ZDHHC20: variants seen among roughly 807,000 people sequenced by gnomAD.
ZDHHC20 encodes palmitoyltransferase ZDHHC20.
A neutral mutation model predicts 57.8 loss-of-function variants in ZDHHC20; 43 were observed. The observed-to-expected ratio is 0.74, with a 90% CI of 0.58 to 0.96. The LOEUF is 0.96. Among genes scored for constraint, ZDHHC20 ranks in the 40% least tolerant of loss-of-function variants. ZDHHC20 has a pLI of 0.00. For synonymous variants in ZDHHC20, 157 were observed against 153.0 expected, an observed-to-expected ratio of 1.03 and a Z score of -0.19; for missense variants, 391 against 441.1, an observed-to-expected ratio of 0.89 and a Z score of 1.02.
At chr13:21,431,916 C>T (rs1313027749) in intron 1 of ZDHHC20, among the ~76,000 whole-genome samples, 5 of 152,162 alleles carry the variant, frequency 3.3e-5, no homozygotes, top group Admixed American at 3.3e-4. Flanking sequence ...ATATTTTTAA[C>T]AGTGTCTTTT....
chr13:21,402,802 A>T lies in ZDHHC20; in HGVS notation c.435T>A (p.Cys145Ter). The change falls in exon 5 of 13, where the codon TGT becomes TGA. Residue 145 changes from cysteine to a stop codon, truncating the protein, a stop_gained. Transcript: ENST00000400590. LOFTEE classifies it high-confidence loss of function. ...TATGTGTGAGTAACACTTACGAGTC[A>T]CAGGCTGAGCAGTGATGCGCCCGAT... Reference protein sequence around the residue: ...KPDRAHHCSACDSCILKMDHH... With the variant: ...KPDRAHHCSA The T allele has an allele frequency of 6.3e-7, 1 of 1,597,106 alleles. No homozygotes were observed. The highest frequency in any genetic ancestry group is 1.1e-5 in the South Asian group (1 of 87,642).
chr13:21,437,210 G>T (rs1298351074), intron 1 of ZDHHC20, among the ~76,000 whole-genome samples: 1 of 152,198 alleles, frequency 6.6e-6, no homozygotes, highest in African/African-American at 2.4e-5. Context: ...AGCAGAAGTT[G>T]ATTTATGAGG....
chr13:21,423,589 G>A (rs1047823237), intron 2 of ZDHHC20, among the ~76,000 whole-genome samples: 2 of 151,774 alleles, frequency 1.3e-5, no homozygotes, highest in Admixed American at 6.6e-5. Context: ...TGGGAGGATC[G>A]CCTAAACCTG....
At chr13:21,381,369 A>G (rs761723346) in intron 11 of ZDHHC20, 65 bp downstream of exon 11, 26 of 1,204,858 alleles carry the variant, frequency 2.2e-5, no homozygotes, top group Non-Finnish European at 3.0e-5. Context: ...ATTTTTCCAC[A>G]TGTATTATAT....
intron 8 of ZDHHC20, among the ~76,000 whole-genome samples, chr13:21,391,364 A>T (rs1374412788): frequency 6.6e-6 from 1 of 152,218 alleles, no homozygotes; most frequent in Non-Finnish European, 1.5e-5. Flanking sequence ...TATATAACAC[A>T]TTACTGAAAA....
chr13:21,416,102 G>A (rs975591032), intron 3 of ZDHHC20, among the ~76,000 whole-genome samples: 2 of 151,738 alleles, frequency 1.3e-5, no homozygotes, highest in African/African-American at 4.8e-5. Context: ...CTACTCGGGA[G>A]GCTGAGGCAG....
intron 9 of ZDHHC20, among the ~76,000 whole-genome samples, chr13:21,383,695 G>T (rs1566063689): frequency 6.6e-6 from 1 of 152,112 alleles, no homozygotes; most frequent in Non-Finnish European, 1.5e-5. Flanking sequence ...AATTCATGAT[G>T]TAAGTTCCAC....
rs376263181 is a variant in ZDHHC20 at position 21,440,068 on chromosome 13, GAAAAAAAAA to G, written c.119-14399_119-14391del. ...GGCGACAGAGTAAGACTGTTTCTCA[GAAAAAAAAA>G]AAAAAAAAAAAAAAAAAAAAAGACA... On this transcript the variant is annotated intron_variant, in intron 1 of 12. Transcript: ENST00000400590. Among the ~76,000 whole-genome samples the G allele has an allele frequency of 2.4e-3, 217 of 89,782 alleles. 3 individuals carry two copies. Among genetic ancestry groups the G allele is most frequent in the South Asian group, 9.1e-3 (20 of 2,188 alleles). 58.9% of individuals were successfully genotyped at this position (89,782 alleles called of 152,430 possible).
chr13:21,416,980 C>T (rs952923574), intron 3 of ZDHHC20, among the ~76,000 whole-genome samples: 2 of 152,208 alleles, frequency 1.3e-5, no homozygotes, highest in Admixed American at 6.5e-5. Flanking sequence ...AAATACCTAT[C>T]AGCTATTCAC....
chr13:21,440,040 C>T (rs1162452022), intron 1 of ZDHHC20, among the ~76,000 whole-genome samples: 1 of 136,718 alleles, frequency 7.3e-6, no homozygotes, highest in Non-Finnish European at 1.5e-5. Context: ...GCACTCCAGC[C>T]TGGGCGACAG....
intron 4 of ZDHHC20, among the ~76,000 whole-genome samples, chr13:21,413,059 C>T (rs373738117): frequency 1.8e-4 from 27 of 148,224 alleles, no homozygotes; most frequent in African/African-American, 5.7e-4. Flanking sequence ...TGTATTTAAA[C>T]GACCAGCCAC....
chr13:21,395,688 A>C lies in ZDHHC20; in HGVS notation c.595-3834T>G, dbSNP rs145728122. ...AGCTAATTTTGTATTTTTAGTAGAG[A>C]TGGGGTTTCACCATTGTTGGCCAGA... On this transcript the variant is annotated intron_variant, in intron 7 of 12. Transcript: ENST00000400590. 5.4e-3 allele frequency among the ~76,000 whole-genome samples: 817 copies of C among 150,088 alleles called. 12 individuals carry two copies. Among genetic ancestry groups the C allele is most frequent in the African/African-American group, 0.019 (781 of 40,838 alleles).
chr13:21,376,889 G>A, intron 12 of ZDHHC20: 1 of 279,032 alleles, frequency 3.6e-6, no homozygotes, highest in Non-Finnish European at 6.7e-6. Flanking sequence ...GAATCTTACA[G>A]TACTCCCAGA....
chr13:21,401,834 A>C, intron 5 of ZDHHC20, 149 bp from the exon 6 acceptor site: 1 of 666,394 alleles, frequency 1.5e-6, no homozygotes, highest in Non-Finnish European at 2.4e-6. Context: ...ATAATTTCTG[A>C]TGCTTCCACA....
intron 2 of ZDHHC20, among the ~76,000 whole-genome samples, chr13:21,422,483 G>C (rs1220229313): frequency 6.6e-6 from 1 of 152,080 alleles, no homozygotes; most frequent in Admixed American, 6.5e-5. Flanking sequence ...TTGGGTTCAT[G>C]CCAGATCTCA....
At chr13:21,385,408 G>A (rs1009846814) in intron 9 of ZDHHC20, among the ~76,000 whole-genome samples, 1 of 152,106 alleles carries the variant, frequency 6.6e-6, no homozygotes, top group African/African-American at 2.4e-5. Flanking sequence ...CAGCCTGGGC[G>A]ACAGAGCAAG....
At chr13:21,381,898 T>C (rs370873444) in intron 10 of ZDHHC20, 6 of 541,278 alleles carry the variant, frequency 1.1e-5, no homozygotes, top group Admixed American at 7.7e-5. Context: ...ACAAAACAAT[T>C]ACCTGTCATT....
intron 4 of ZDHHC20, among the ~76,000 whole-genome samples, chr13:21,408,862 G>A (rs1476311598): frequency 1.3e-5 from 2 of 152,182 alleles, no homozygotes. Context: ...TGCATCTATT[G>A]AGATAATTAT....
chr13:21,438,814 G>A (rs1182355682), intron 1 of ZDHHC20, among the ~76,000 whole-genome samples: 4 of 152,146 alleles, frequency 2.6e-5, no homozygotes, highest in African/African-American at 4.8e-5. Flanking sequence ...CGTTCTTGTC[G>A]TTTTGAGAAA....
Sources: allele counts gnomAD v4.1 joint callset (sites outside exome capture counted in the v4.1 genomes callset), GRCh38; gene constraint gnomAD v4.1.1; transcripts MANE v1.5; gene names NCBI Gene and HGNC (gene_info 2026-07-23, HGNC 2026-07-21).